CLIC6: variants seen among roughly 807,000 people sequenced by gnomAD.
CLIC6 encodes the protein chloride intracellular channel protein 6.
Under a neutral mutation model 49.2 loss-of-function variants are expected in CLIC6, and 39 were observed. That is an observed-to-expected ratio of 0.79 (90% CI 0.61 to 1.04). The LOEUF (loss-of-function observed/expected upper bound fraction) is 1.04. Among genes scored for constraint, CLIC6 ranks in the 50% least tolerant of loss-of-function variants. The probability of loss-of-function intolerance (pLI) is 0.00; values close to 1 mark genes in which losing one functional copy is unlikely to be tolerated. For synonymous variants in CLIC6, 446 were observed against 433.4 expected (o/e 1.03, Z -0.36); for missense variants, 988 against 993.1 (o/e 0.99, Z 0.07).
At chr21:34,710,355 C>A (rs2056048123) in intron 5 of CLIC6, among the ~76,000 whole-genome samples, 1 of 152,164 alleles carries the variant, frequency 6.6e-6, no homozygotes, top group Non-Finnish European at 1.5e-5. Flanking sequence ...CAGCTGGCAG[C>A]TTTTGGCTGA....
Position 34,707,325 on chromosome 21 carries a change from C to A in CLIC6, c.1420C>A (p.Arg474Ser), listed in dbSNP as rs770130798. The change falls in exon 2 of 6, where the codon CGT becomes AGT. Residue 474 changes from arginine (R) to serine (S), a missense_variant. By Grantham distance (110) the Arg-to-Ser change is moderately radical. Coordinates refer to ENST00000349499, the MANE Select transcript of CLIC6 (RefSeq NM_053277.3). The stretch of plus-strand genomic sequence containing the variant: ...TATCGGAAATTGCCCGTTTTCTCAG[C>A]GTCTCTTTATGATTCTCTGGCTGAA... ...ESIGNCPFSQRLFMILWLKGV... is the reference protein window; with the variant it reads ...ESIGNCPFSQSLFMILWLKGV... 5.6e-6 allele frequency: 9 copies of A among 1,613,864 alleles called. No individual in the cohort carries two copies. Among genetic ancestry groups the A allele is most frequent in the South Asian group, 3.3e-5 (3 of 91,076 alleles).
At chr21:34,693,978 T>TC (rs1053255906) in intron 1 of CLIC6, among the ~76,000 whole-genome samples, 12 of 139,292 alleles carry the variant, frequency 8.6e-5, no homozygotes, top group African/African-American at 2.8e-4. Flanking sequence ...TTGTTTTCTT[T>TC]TTTTTTTTTT....
At chr21:34,679,350 A>G (rs1238748638) in intron 1 of CLIC6, among the ~76,000 whole-genome samples, 1 of 152,212 alleles carries the variant, frequency 6.6e-6, no homozygotes, top group Non-Finnish European at 1.5e-5. Flanking sequence ...AACTTCTCTC[A>G]TGGTTCAATT....
At chr21:34,703,761 A>G (rs1178219762) in intron 1 of CLIC6, among the ~76,000 whole-genome samples, 1 of 152,114 alleles carries the variant, frequency 6.6e-6, no homozygotes, top group Non-Finnish European at 1.5e-5. Flanking sequence ...GGAGGTTCAC[A>G]AGGCCAGGAC....
intron 1 of CLIC6, among the ~76,000 whole-genome samples, chr21:34,686,400 C>CAAACA (rs1989879617): frequency 1.3e-5 from 2 of 152,130 alleles, no homozygotes; most frequent in South Asian, 2.1e-4. Context: ...GACTCTGTGT[C>CAAACA]AAACAAAACA....
Position 34,718,223 on chromosome 21 carries a change from A to G in CLIC6, c.*1741A>G. 6.8e-6 allele frequency: 1 copy of G among 146,596 alleles called. No individual in the cohort carries two copies. Among genetic ancestry groups the G allele is most frequent in the East Asian group, 2.0e-4 (1 of 4,932 alleles). The allele number at this position is 146,596 out of a possible 1,614,324, so 9.1% of individuals were successfully genotyped here. On this transcript the variant is annotated 3_prime_UTR_variant, in exon 6 of 6. Transcript: ENST00000349499. Reference sequence around the variant, plus strand: ...CAAATTATAAAAATGTTTAAATGGAACCAATTTCTTTTGGGTTTTATTTTT... The same window carrying G: ...CAAATTATAAAAATGTTTAAATGGAGCCAATTTCTTTTGGGTTTTATTTTT...
At position 34,689,442 on chromosome 21, in the gene CLIC6, C is replaced by T. The variant is rs13339971; in HGVS notation, c.1375-17838C>T. Among the ~76,000 whole-genome samples the T allele has an allele frequency of 5.2e-3, 792 of 152,292 alleles. 10 individuals are homozygous for T. The highest frequency in any genetic ancestry group is 0.018 in the African/African-American group (753 of 41,566). ...AGAACAACACCAGAGATGGCTTCCA[C>T]GGTCTGTGTTTCAAACCACGTGCCT... On this transcript the variant is annotated intron_variant, in intron 1 of 5. Coordinates refer to ENST00000349499, the MANE Select transcript of CLIC6 (RefSeq NM_053277.3).
intron 1 of CLIC6, among the ~76,000 whole-genome samples, chr21:34,684,592 C>G (rs1369291122): frequency 1.3e-5 from 2 of 152,174 alleles, no homozygotes; most frequent in Non-Finnish European, 2.9e-5. Flanking sequence ...TTCACCTAAG[C>G]CAGTGATGTC....
intron 5 of CLIC6, among the ~76,000 whole-genome samples, chr21:34,711,440 G>A (rs1175885436): frequency 3.3e-5 from 5 of 152,062 alleles, no homozygotes; most frequent in African/African-American, 7.2e-5. Context: ...GCTGAGGCAC[G>A]AGAATCATTT....
At chr21:34,702,794 C>G (rs2055989243) in intron 1 of CLIC6, among the ~76,000 whole-genome samples, 2 of 152,168 alleles carry the variant, frequency 1.3e-5, no homozygotes, top group Non-Finnish European at 2.9e-5. Flanking sequence ...AGTCACCTCC[C>G]GTCTGATCTG....
chr21:34,673,539 C>T (rs560199981), intron 1 of CLIC6, among the ~76,000 whole-genome samples: 2 of 152,322 alleles, frequency 1.3e-5, no homozygotes, highest in African/African-American at 4.8e-5. Context: ...GATCCACCCA[C>T]CGTGGCCTCC....
At chr21:34,671,671 G>T (rs546767084) in intron 1 of CLIC6, among the ~76,000 whole-genome samples, 2 of 152,292 alleles carry the variant, frequency 1.3e-5, no homozygotes, top group East Asian at 1.9e-4. Flanking sequence ...AGATAATAAG[G>T]TCAAGAATGT....
intron 1 of CLIC6, among the ~76,000 whole-genome samples, chr21:34,678,071 G>A (rs552405159): frequency 3.9e-5 from 6 of 152,106 alleles, no homozygotes; most frequent in Non-Finnish European, 8.8e-5. Context: ...CAACAGCAGA[G>A]TTGAGTAGAT....
rs184697116 is a variant in CLIC6 at position 34,677,960 on chromosome 21, A to G, written c.1374+7198A>G. 1.1e-3 allele frequency among the ~76,000 whole-genome samples: 168 copies of G among 152,352 alleles called. 2 individuals carry two copies. Among genetic ancestry groups the G allele is most frequent in the Admixed American group, 0.011 (163 of 15,302 alleles). The stretch of plus-strand genomic sequence containing the variant: ...AAGAAGAATAATTCATGACTCATGA[A>G]AAATATATGAAATTCAAATTTCAGG... On this transcript the variant is annotated intron_variant, in intron 1 of 5. Transcript: ENST00000349499.
intron 1 of CLIC6, among the ~76,000 whole-genome samples, chr21:34,675,252 C>CAAAA (rs71196903): frequency 2.0e-5 from 2 of 100,974 alleles, no homozygotes; most frequent in Non-Finnish European, 4.1e-5. Context: ...CCCGCCCCTC[C>CAAAA]AAAAAAAAAA....
intron 1 of CLIC6, among the ~76,000 whole-genome samples, chr21:34,686,867 G>A (rs1409034150): frequency 6.6e-6 from 1 of 152,150 alleles, no homozygotes; most frequent in Admixed American, 6.5e-5. Context: ...AAGACACTGG[G>A]CATGTGTATG....
In CLIC6 at chr21:34,709,218, A is replaced by G. The variant is rs1568970901; in HGVS notation, c.1718-139A>G. On this transcript the variant is annotated intron_variant, in intron 4 of 5. Transcript: ENST00000349499. Reference sequence around the variant, plus strand: ...TGAGCCCTTTATTCAGATATTCTACATCCACCTGCTGCCTTCCCAGCACCC... The same window carrying G: ...TGAGCCCTTTATTCAGATATTCTACGTCCACCTGCTGCCTTCCCAGCACCC... 1.2e-5 allele frequency: 8 copies of G among 669,014 alleles called. No individual in the cohort carries two copies. In the East Asian group the frequency reaches 1.6e-4, roughly 13 times the overall value. 41.4% of individuals were successfully genotyped at this position (669,014 alleles called of 1,614,324 possible). A position where few individuals can be genotyped will look rare whatever the true frequency, so the allele number is the denominator to read the frequency against.
rs749330630 is a variant in CLIC6, at chr21:34,717,836, G to A, written c.*1354G>A. ...TGTACACCTGCTCTAGGGACGATTC[G>A]TTTGAAAGAGAGTAAGATGCATTAA... On this transcript the variant is annotated 3_prime_UTR_variant, in exon 6 of 6. Coordinates refer to ENST00000349499, the MANE Select transcript of CLIC6 (RefSeq NM_053277.3). The A allele has an allele frequency of 2.6e-5, 4 of 152,208 alleles. No homozygotes were observed. Among genetic ancestry groups the A allele is most frequent in the South Asian group, 2.1e-4 (1 of 4,832 alleles). 9.4% of individuals were successfully genotyped at this position (152,208 alleles called of 1,614,324 possible).
chr21:34,709,735 T>A (rs544046987), intron 5 of CLIC6, among the ~76,000 whole-genome samples, 197 bp downstream of exon 5: 1 of 152,324 alleles, frequency 6.6e-6, no homozygotes, highest in African/African-American at 2.4e-5. Flanking sequence ...TCTCAGAAAG[T>A]GCCTGGGAAC....
Sources: gnomAD v4.1 joint callset for allele counts (sites outside exome capture counted in the v4.1 genomes callset) on GRCh38, gnomAD v4.1.1 for gene constraint, MANE v1.5 for transcripts, NCBI Gene and HGNC (gene_info 2026-07-23, HGNC 2026-07-21) for gene names.